RBKS: variants seen among roughly 807,000 people sequenced by gnomAD.
RBKS encodes the protein ribokinase.
RBKS carries 33 observed loss-of-function variants against 33.9 expected under a neutral mutation model. The observed-to-expected ratio is 0.97, with a 90% CI of 0.74 to 1.30. The LOEUF is 1.30. RBKS is among the 50% of genes most tolerant of loss of function. The pLI, the probability that RBKS is intolerant of heterozygous loss-of-function variation, is 0.00. For synonymous variants in RBKS, 125 were observed against 143.0 expected (o/e 0.87, Z 0.90); for missense variants, 361 against 392.6 (o/e 0.92, Z 0.68).
chr2:27,811,303 G>A (rs535071843), intron 7 of RBKS, among the ~76,000 whole-genome samples: 1 of 152,314 alleles, frequency 6.6e-6, no homozygotes, highest in South Asian at 2.1e-4. Flanking sequence ...TTTGTGGCCA[G>A]GGACTGTCTT....
chr2:27,830,917 G>A (rs894688311), intron 6 of RBKS, among the ~76,000 whole-genome samples: 7 of 152,248 alleles, frequency 4.6e-5, no homozygotes, highest in African/African-American at 1.7e-4. Context: ...ACGGGAAGCT[G>A]GATCTTGAAA....
intron 1 of RBKS, among the ~76,000 whole-genome samples, chr2:27,862,561 T>C (rs1664012579): frequency 6.6e-6 from 1 of 152,186 alleles, no homozygotes; most frequent in Non-Finnish European, 1.5e-5. Context: ...GCTGCTCTCA[T>C]TCCACCCCTG....
chr2:27,805,191 T>G (rs1677873629), intron 7 of RBKS, among the ~76,000 whole-genome samples: 1 of 152,216 alleles, frequency 6.6e-6, no homozygotes, highest in Non-Finnish European at 1.5e-5. Flanking sequence ...TGATGAGGTT[T>G]AAAAAATCGC....
At chr2:27,813,426 G>A (rs1204536196) in intron 7 of RBKS, among the ~76,000 whole-genome samples, 1 of 152,104 alleles carries the variant, frequency 6.6e-6, no homozygotes, top group African/African-American at 2.4e-5. Context: ...GAATGGACAG[G>A]TTTGAGATAG....
At chr2:27,783,704 G>A (rs1191601915) in intron 7 of RBKS, among the ~76,000 whole-genome samples, 1 of 151,926 alleles carries the variant, frequency 6.6e-6, no homozygotes, top group African/African-American at 2.4e-5. Context: ...TCAGGAGATC[G>A]AGACCATCCC....
rs1232987208 is a variant in RBKS at position 27,827,676 on chromosome 2, C to A, written c.686G>T (p.Cys229Phe). Reference sequence around the variant, plus strand: ...CCCTAAGGTAATGATTACCACCTGGCAGCCCCTTTTCAAGAGCACTAATGC... The same window carrying A: ...CCCTAAGGTAATGATTACCACCTGGAAGCCCCTTTTCAAGAGCACTAATGC... ...EAALVLLKRG[C>F]QVVIITLGAE... Residue 229 changes from cysteine to phenylalanine, a missense_variant, in exon 7 of 8, where the codon TGC (cysteine) becomes TTC (phenylalanine). Physicochemically the swap from Cys to Phe is radical, Grantham distance 205 (BLOSUM62 -2). Transcript: ENST00000302188. 3.1e-6 allele frequency: 5 copies of A among 1,613,804 alleles called. No homozygotes were observed. The highest frequency in any genetic ancestry group is 3.4e-6 in the Non-Finnish European group (4 of 1,179,948).
chr2:27,798,729 T>C (rs1677711434), intron 7 of RBKS, among the ~76,000 whole-genome samples: 1 of 152,164 alleles, frequency 6.6e-6, no homozygotes. Flanking sequence ...CAGTTTCATC[T>C]CTTACTTCCT....
chr2:27,833,339 CAT>C (rs1488832808), intron 5 of RBKS, among the ~76,000 whole-genome samples: 2 of 152,078 alleles, frequency 1.3e-5, no homozygotes, highest in African/African-American at 4.8e-5. Context: ...CTCCTGCAAA[CAT>C]ATGCACTTAC....
At chr2:27,786,693 A>T (rs1037365566) in intron 7 of RBKS, among the ~76,000 whole-genome samples, 3 of 151,632 alleles carry the variant, frequency 2.0e-5, no homozygotes, top group African/African-American at 7.3e-5. Flanking sequence ...GAGGCAGAGA[A>T]CTGCTTGAAC....
At chr2:27,858,376 G>T in intron 2 of RBKS, 63 bp downstream of exon 2, 1 of 1,504,992 alleles carries the variant, frequency 6.6e-7, no homozygotes, top group South Asian at 1.3e-5. Flanking sequence ...TAAAAACAAT[G>T]AACTCCAGTC....
intron 7 of RBKS, among the ~76,000 whole-genome samples, chr2:27,811,059 T>C (rs1484580757): frequency 2.6e-5 from 4 of 152,210 alleles, no homozygotes; most frequent in Admixed American, 2.0e-4. Flanking sequence ...AATGGAACTA[T>C]TTGAAGCAGC....
At chr2:27,812,427 C>T (rs1394481150) in intron 7 of RBKS, among the ~76,000 whole-genome samples, 1 of 152,182 alleles carries the variant, frequency 6.6e-6, no homozygotes, top group Non-Finnish European at 1.5e-5. Flanking sequence ...TATTGTGGTA[C>T]TATTCACAAC....
Position 27,832,753 on chromosome 2 carries a change from G to C in RBKS, c.539C>G (p.Pro180Arg). The change falls in exon 6 of 8, where the codon CCT (proline) becomes CGT (arginine). Residue 180 changes from proline (P) to arginine (R), a missense_variant. Coordinates refer to ENST00000302188, the MANE Select transcript of RBKS (RefSeq NM_022128.3). ...SGVKTLFNPA[P>R]AIADLDPQFY... ...CTGGGGATCCAGGTCAGCAATGGCA[G>C]GGGCTGGATTGAACAAGGTTTTCAC... 1 of 1,612,438 alleles carries C rather than the reference G, an allele frequency of 6.2e-7. No homozygotes were observed. Among genetic ancestry groups the C allele is most frequent in the African/African-American group, 1.3e-5 (1 of 74,884 alleles).
intron 7 of RBKS, among the ~76,000 whole-genome samples, chr2:27,804,266 A>G (rs1246635122): frequency 6.6e-6 from 1 of 152,186 alleles, no homozygotes; most frequent in Non-Finnish European, 1.5e-5. Flanking sequence ...GTACAATCCA[A>G]TGTTCTTCAG....
intron 1 of RBKS, chr2:27,870,527 G>A (rs1032698233): frequency 1.3e-5 from 4 of 314,050 alleles, no homozygotes; most frequent in Admixed American, 1.2e-4. Context: ...TGTGTGCACT[G>A]CACCCACCTC....
chr2:27,842,256 A>G (rs890990974), intron 5 of RBKS, among the ~76,000 whole-genome samples: 1 of 152,180 alleles, frequency 6.6e-6, no homozygotes, highest in East Asian at 1.9e-4. Flanking sequence ...GTGAGAAAAG[A>G]GGAGTGAGTG....
chr2:27,856,477 C>A (rs4233719), intron 2 of RBKS, among the ~76,000 whole-genome samples: 53,180 of 152,042 alleles, frequency 0.35, 11,113 homozygotes, highest in East Asian at 0.63. Context: ...TCATTTCCCA[C>A]GTTCAGTTCC....
intron 4 of RBKS, among the ~76,000 whole-genome samples, chr2:27,844,487 G>C (rs1663582068): frequency 6.6e-6 from 1 of 151,972 alleles, no homozygotes; most frequent in Admixed American, 6.6e-5. Flanking sequence ...CCACCTCCTG[G>C]GTTCAATCAA....
intron 7 of RBKS, among the ~76,000 whole-genome samples, chr2:27,806,101 C>G (rs1008403598): frequency 1.3e-5 from 2 of 151,972 alleles, no homozygotes; most frequent in Non-Finnish European, 2.9e-5. Context: ...CCACGCTGGT[C>G]TCAAACATCT....
Sources: allele counts gnomAD v4.1 joint callset (sites outside exome capture counted in the v4.1 genomes callset), GRCh38; gene constraint gnomAD v4.1.1; transcripts MANE v1.5; gene names NCBI Gene and HGNC (gene_info 2026-07-23, HGNC 2026-07-21).